The following DAB2 variants were observed in gnomAD, a reference collection of about 807,000 sequenced individuals.
DAB2 encodes disabled homolog 2.
A neutral mutation model predicts 71.6 loss-of-function variants in DAB2; 28 were observed. The observed-to-expected ratio is 0.39, with a 90% CI of 0.29 to 0.54. DAB2 has a LOEUF of 0.54. Among genes scored for constraint, DAB2 ranks in the 20% least tolerant of loss-of-function variants. The pLI is 0.68. For missense variants in DAB2, 867 were observed against 928.8 expected (o/e 0.93, Z 0.86); for synonymous variants, 345 against 339.7 (o/e 1.02, Z -0.17).
chr5:39,392,916 C>T (rs999343025), intron 3 of DAB2, among the ~76,000 whole-genome samples: 1 of 152,184 alleles, frequency 6.6e-6, no homozygotes, highest in Non-Finnish European at 1.5e-5. Flanking sequence ...CAGGATATTC[C>T]GTGCTCTCCA....
At chr5:39,395,941 T>TTTTTTTTTTTTTG (rs1755358419) in intron 1 of DAB2, among the ~76,000 whole-genome samples, 1 of 89,174 alleles carries the variant, frequency 1.1e-5, no homozygotes, top group Non-Finnish European at 2.3e-5. Flanking sequence ...GATATTCTTT[T>TTTTTTTTTTTTTG]TTTTTTTTTT....
chr5:39,376,514 G>C, intron 12 of DAB2, 136 bp downstream of exon 12: 1 of 1,042,534 alleles, frequency 9.6e-7, no homozygotes, highest in Admixed American at 2.2e-5. Context: ...AGTTGTCTCC[G>C]TAACCCTTGA....
At chr5:39,411,187 G>A (rs1457036264) in intron 1 of DAB2, among the ~76,000 whole-genome samples, 1 of 152,002 alleles carries the variant, frequency 6.6e-6, no homozygotes, top group African/African-American at 2.4e-5. Flanking sequence ...GAGACCTCTT[G>A]GCCCTTTATG....
intron 9 of DAB2, 125 bp downstream of exon 9, chr5:39,388,180 C>T (rs1436035811): frequency 5.7e-6 from 4 of 706,692 alleles, no homozygotes; most frequent in Non-Finnish European, 7.4e-6. Context: ...ACCATTGACA[C>T]TTCATTTGCA....
intron 1 of DAB2, among the ~76,000 whole-genome samples, chr5:39,399,952 A>G (rs1375941004): frequency 2.6e-5 from 4 of 152,178 alleles, no homozygotes; most frequent in Admixed American, 1.3e-4. Context: ...TAATGATTCC[A>G]AGGTTTTGAA....
intron 1 of DAB2, among the ~76,000 whole-genome samples, chr5:39,416,592 T>C (rs577815366): frequency 1.3e-5 from 2 of 152,150 alleles, no homozygotes; most frequent in Non-Finnish European, 2.9e-5. Context: ...GACCTTCTTA[T>C]GTGGTCTGCT....
intron 1 of DAB2, among the ~76,000 whole-genome samples, chr5:39,423,539 C>T (rs1756035895): frequency 6.6e-6 from 1 of 152,120 alleles, no homozygotes; most frequent in Non-Finnish European, 1.5e-5. Context: ...CCCCAACAGC[C>T]AGTAGGTGCT....
intron 1 of DAB2, among the ~76,000 whole-genome samples, chr5:39,396,480 G>A (rs1407746843): frequency 6.6e-6 from 1 of 152,250 alleles, no homozygotes; most frequent in Non-Finnish European, 1.5e-5. Context: ...CTGGGATATA[G>A]ATGGCATTCA....
rs1756006302 is a variant in DAB2 at position 39,422,193 on chromosome 5, T to TA, written c.-102+2610dup. Among the ~76,000 whole-genome samples, 1 of 152,232 alleles carries TA rather than the reference T, an allele frequency of 6.6e-6. No individual in the cohort carries two copies. Among genetic ancestry groups the TA allele is most frequent in the South Asian group, 2.1e-4 (1 of 4,836 alleles). On this transcript the variant is annotated intron_variant, in intron 1 of 14. Transcript: ENST00000320816. This position sits in a 1 kb window ranked among gnomAD's most constrained non-coding sequence, Gnocchi z 4.1. The stretch of plus-strand genomic sequence containing the variant: ...TACATAGCAGTGCCAGGGAGAATTT[T>TA]AAAATACCACATCCTGTTACTCAGG...
At chr5:39,392,281 G>A in intron 4 of DAB2, 84 bp downstream of exon 4, 9 of 974,814 alleles carry the variant, frequency 9.2e-6, no homozygotes, top group South Asian at 3.9e-5. Flanking sequence ...CTTTGAGAAC[G>A]AAGAAGGGGA....
At position 39,390,541 on chromosome 5, in the gene DAB2, G is replaced by T. The variant is rs1755202932; in HGVS notation, c.365C>A (p.Ser122Tyr). Reference sequence around the variant, plus strand: ...GTCTGTCACATCACGGGCAATGAAAGAAATCTTATTTACTGGATGTTCATG... The same window carrying T: ...GTCTGTCACATCACGGGCAATGAAATAAATCTTATTTACTGGATGTTCATG... ...IEHEHPVNKI[S>Y]FIARDVTDNR... Residue 122 changes from serine to tyrosine, a missense_variant, in exon 5 of 15, where the codon TCT becomes TAT. Physicochemically the swap from Ser to Tyr is moderately radical, Grantham distance 144. Transcript: ENST00000320816. The T allele has an allele frequency of 1.2e-6, 2 of 1,613,352 alleles. No individual in the cohort carries two copies.
intron 1 of DAB2, among the ~76,000 whole-genome samples, chr5:39,415,731 A>C (rs962533864): frequency 7.9e-5 from 12 of 152,176 alleles, no homozygotes; most frequent in Non-Finnish European, 5.9e-5. Context: ...GATCAATACA[A>C]GTAGTGAGCC....
At chr5:39,421,090 G>A (rs1037237797) in intron 1 of DAB2, among the ~76,000 whole-genome samples, 1 of 152,124 alleles carries the variant, frequency 6.6e-6, no homozygotes, top group Non-Finnish European at 1.5e-5. Flanking sequence ...AGACCAGCGA[G>A]GTCAGCCTGA....
At chr5:39,400,134 G>A (rs1251025043) in intron 1 of DAB2, among the ~76,000 whole-genome samples, 1 of 152,110 alleles carries the variant, frequency 6.6e-6, no homozygotes, top group Non-Finnish European at 1.5e-5. Flanking sequence ...AGATGGTAGG[G>A]AATTTATTTT....
At chr5:39,404,701 C>A (rs191313265) in intron 1 of DAB2, among the ~76,000 whole-genome samples, 71 of 152,204 alleles carry the variant, frequency 4.7e-4, no homozygotes, top group African/African-American at 1.7e-3. Context: ...GCCTCAACCT[C>A]CCAAGTAGCT....
chr5:39,375,068 G>T lies in DAB2; in HGVS notation c.2264C>A (p.Pro755His), dbSNP rs1049860499. ...SSQASVASSQ[P>H]VSSEMYRDPF... ...ATCCCTATACATCTCAGAAGATACA[G>T]GTTGAGAAGAAGCCACCTAAGAAGA... Residue 755 changes from proline to histidine, a missense_variant, in exon 14 of 15, where the codon CCT becomes CAT. Coordinates refer to ENST00000320816, the MANE Select transcript of DAB2 (RefSeq NM_001343.4). 6 of 1,610,864 alleles carry T rather than the reference G, an allele frequency of 3.7e-6. No homozygotes were observed. Among genetic ancestry groups the T allele is most frequent in the Middle Eastern group, 1.7e-4 (1 of 6,024 alleles).
chr5:39,402,065 C>T lies in DAB2; in HGVS notation c.-101-7644G>A, dbSNP rs918596987. Among the ~76,000 whole-genome samples, 26 of 152,214 alleles carry T rather than the reference C, an allele frequency of 1.7e-4. 1 individual carries two copies. Among genetic ancestry groups the T allele is most frequent in the African/African-American group, 6.3e-4 (26 of 41,520 alleles). On this transcript the variant is annotated intron_variant, in intron 1 of 14. Transcript: ENST00000320816. ...GTGGCAGACAAGAAAGACAGCCAATCGAAAAGGGAAACCCCTTTTAAAACC... is the reference window on the plus strand; with the variant it reads ...GTGGCAGACAAGAAAGACAGCCAATTGAAAAGGGAAACCCCTTTTAAAACC...
intron 11 of DAB2, among the ~76,000 whole-genome samples, chr5:39,380,896 G>A (rs767100307): frequency 1.3e-5 from 2 of 152,172 alleles, no homozygotes; most frequent in Non-Finnish European, 2.9e-5. Flanking sequence ...AGTGCTCAGA[G>A]ACTGATCAGG....
At chr5:39,389,789 G>A (rs757687418) in intron 6 of DAB2, 63 bp downstream of exon 6, 2 of 926,084 alleles carry the variant, frequency 2.2e-6, no homozygotes, top group Non-Finnish European at 3.4e-6. Context: ...TGGGATTATA[G>A]GTGTGAGCCA....
Sources: allele counts gnomAD v4.1 joint callset (sites outside exome capture counted in the v4.1 genomes callset), GRCh38; gene constraint gnomAD v4.1.1; non-coding constraint Gnocchi (gnomAD v3.1); transcripts MANE v1.5; gene names NCBI Gene and HGNC (gene_info 2026-07-23, HGNC 2026-07-21).